The following NRXN3 variants were observed in gnomAD, a reference collection of about 807,000 sequenced individuals.
The protein encoded by NRXN3 is neurexin 3.
In NRXN3, 32 loss-of-function variants were observed where a neutral mutation model predicts 137.6. That is an observed-to-expected ratio of 0.23 (90% CI 0.18 to 0.31). The LOEUF (loss-of-function observed/expected upper bound fraction) is 0.31. Ranked by LOEUF, NRXN3 falls within the 10% of genes least tolerant of loss-of-function variation. The probability of loss-of-function intolerance (pLI) is 1.00; values close to 1 mark genes in which losing one functional copy is unlikely to be tolerated. For synonymous variants in NRXN3, 798 were observed against 784.5 expected, an observed-to-expected ratio of 1.02 and a Z score of -0.29; for missense variants, 1,574 against 2,062.5, an observed-to-expected ratio of 0.76 and a Z score of 4.59.
chr14:79,035,189 T>C (rs2099614077), intron 15 of NRXN3, among the ~76,000 whole-genome samples: 1 of 152,086 alleles, frequency 6.6e-6, no homozygotes, highest in African/African-American at 2.4e-5. Context: ...CAGAGGTAAA[T>C]TGAAAAATGC....
At chr14:79,002,601 CT>C (rs201425602) in intron 15 of NRXN3, among the ~76,000 whole-genome samples, 2,662 of 152,206 alleles carry the variant, frequency 0.017, 80 homozygotes, top group African/African-American at 0.059. Flanking sequence ...ATCACATTTT[CT>C]TTATCCAGTC....
At chr14:79,821,226 C>G (rs919220947) in intron 20 of NRXN3, among the ~76,000 whole-genome samples, 1 of 152,288 alleles carries the variant, frequency 6.6e-6, no homozygotes, top group Non-Finnish European at 1.5e-5. Flanking sequence ...TTTCTGCTTA[C>G]AATAACCTCT....
chr14:78,435,767 A>G lies in NRXN3; in HGVS notation c.757+137907A>G, dbSNP rs2094043660. Among the ~76,000 whole-genome samples, 3 of 152,204 alleles carry G rather than the reference A, an allele frequency of 2.0e-5. No homozygotes were observed. The South Asian group carries it at 6.2e-4, about 32-fold the overall frequency. On this transcript the variant is annotated intron_variant, in intron 4 of 20. Coordinates refer to ENST00000335750, the MANE Select transcript of NRXN3 (RefSeq NM_001330195.2). ...GTGAGACTTTTTCCAAAGGTCACAC[A>G]TCGACGTCCAGGGATTTGTGATGGA...
chr14:79,782,594 G>A (rs533652570), intron 19 of NRXN3, among the ~76,000 whole-genome samples: 8 of 152,072 alleles, frequency 5.3e-5, no homozygotes, highest in African/African-American at 1.9e-4. Flanking sequence ...TGCATTAAAC[G>A]AACAACACAA....
chr14:78,794,321 G>A (rs149645759), intron 8 of NRXN3, among the ~76,000 whole-genome samples: 24 of 152,336 alleles, frequency 1.6e-4, no homozygotes, highest in African/African-American at 5.5e-4. Flanking sequence ...GACGAAGGTT[G>A]CAGTGAGCCA....
rs573932654 is a variant in NRXN3 at position 78,184,567 on chromosome 14, G to A, written c.-704+13893G>A. 3.3e-5 allele frequency among the ~76,000 whole-genome samples: 5 copies of A among 152,306 alleles called. No individual in the cohort carries two copies. In the East Asian group the frequency reaches 9.6e-4, roughly 29 times the overall value. On this transcript the variant is annotated intron_variant, in intron 1 of 20. Transcript: ENST00000335750. ...AGGGAGAGAAGCTGTTTTAGACAGT[G>A]GGAAAGACTCTAACCTTTTATTTAA... is the stretch of plus-strand genomic sequence containing the variant.
intron 15 of NRXN3, among the ~76,000 whole-genome samples, chr14:79,233,505 C>T (rs2072635109): frequency 6.6e-6 from 1 of 152,060 alleles, no homozygotes; most frequent in Admixed American, 6.6e-5. Context: ...GATAAACCTA[C>T]TGTAATCCGT....
chr14:78,437,562 T>A (rs2094114708), intron 4 of NRXN3, among the ~76,000 whole-genome samples: 1 of 152,166 alleles, frequency 6.6e-6, no homozygotes, highest in Non-Finnish European at 1.5e-5. Context: ...TTGGCCAGGC[T>A]GGTCTTGAAC....
intron 15 of NRXN3, among the ~76,000 whole-genome samples, chr14:79,004,549 T>C (rs2099548424): frequency 6.6e-6 from 1 of 152,226 alleles, no homozygotes; most frequent in African/African-American, 2.4e-5. Context: ...CAGCCAATAG[T>C]GTTTGTAATT....
chr14:79,466,968 G>A (rs983562341), intron 15 of NRXN3, among the ~76,000 whole-genome samples: 2 of 152,176 alleles, frequency 1.3e-5, no homozygotes, highest in Non-Finnish European at 2.9e-5. Context: ...CCGTTATGCA[G>A]CGGGAACTTA....
chr14:78,896,963 T>A lies in NRXN3; in HGVS notation c.2276-60279T>A, dbSNP rs113694266. On this transcript the variant is annotated intron_variant, in intron 10 of 20. Transcript: ENST00000335750. ...GCTTTGAGCAGAGTTTGGCAAACTA[T>A]GATTTGTGGACCAAATCCATCCCAT... Among the ~76,000 whole-genome samples, 99 of 152,018 alleles carry A rather than the reference T, an allele frequency of 6.5e-4. 1 individual carries two copies. Among genetic ancestry groups the A allele is most frequent in the African/African-American group, 2.3e-3 (95 of 41,526 alleles).
chr14:78,803,187 G>A (rs946811716), intron 8 of NRXN3, among the ~76,000 whole-genome samples: 2 of 152,086 alleles, frequency 1.3e-5, no homozygotes, highest in Non-Finnish European at 1.5e-5. Flanking sequence ...GTCTGCTCTG[G>A]TGGTTATAAA....
chr14:79,758,710 A>C (rs1407348038), intron 19 of NRXN3, among the ~76,000 whole-genome samples: 1 of 152,256 alleles, frequency 6.6e-6, no homozygotes, highest in East Asian at 1.9e-4. Flanking sequence ...AACAGTGTCC[A>C]AAATCCAAAG....
intron 6 of NRXN3, among the ~76,000 whole-genome samples, chr14:78,675,006 G>A (rs563652184): frequency 7.2e-5 from 11 of 152,284 alleles, no homozygotes; most frequent in African/African-American, 2.6e-4. Flanking sequence ...TCTCCACACA[G>A]CAGGTGCTCA....
chr14:78,933,573 T>A (rs976567468), intron 10 of NRXN3, among the ~76,000 whole-genome samples: 3 of 152,230 alleles, frequency 2.0e-5, no homozygotes, highest in African/African-American at 7.2e-5. Context: ...TAAACTTGTA[T>A]GTATTTATAG....
chr14:79,481,181 A>G (rs2096604881), intron 16 of NRXN3, among the ~76,000 whole-genome samples: 2 of 152,186 alleles, frequency 1.3e-5, no homozygotes, highest in Non-Finnish European at 2.9e-5. Context: ...CAGAACTTCA[A>G]TTTGCAGAAT....
At chr14:78,573,298 A>G (rs976227949) in intron 4 of NRXN3, among the ~76,000 whole-genome samples, 1 of 152,200 alleles carries the variant, frequency 6.6e-6, no homozygotes, top group South Asian at 2.1e-4. Flanking sequence ...AAAGATACCC[A>G]AAAATGTGAA....
At chr14:79,075,983 T>C (rs78278379) in intron 15 of NRXN3, among the ~76,000 whole-genome samples, 4,252 of 152,288 alleles carry the variant, frequency 0.028, 90 homozygotes, top group Non-Finnish European at 0.04. Context: ...GAGCCTTTTT[T>C]AGCTGTGCTC....
intron 6 of NRXN3, among the ~76,000 whole-genome samples, chr14:78,693,712 T>TGTGTGTG (rs2098196695): frequency 1.5e-5 from 2 of 135,282 alleles, no homozygotes; most frequent in African/African-American, 2.7e-5. Context: ...TGTGTGTGTG[T>TGTGTGTG]TCTCTTGCTT....
Sources: allele counts gnomAD v4.1 joint callset (sites outside exome capture counted in the v4.1 genomes callset), GRCh38; gene constraint gnomAD v4.1.1; transcripts MANE v1.5; gene names NCBI Gene and HGNC (gene_info 2026-07-23, HGNC 2026-07-21).